Variants in VPS8 observed in about 807,000 individuals in gnomAD.
The protein encoded by VPS8 is VPS8 subunit of CORVET complex, also known as vacuolar protein sorting-associated protein 8 homolog.
A neutral mutation model predicts 216.4 loss-of-function variants in VPS8; 129 were observed. The ratio of observed to expected loss-of-function variants is 0.60; its 90% confidence interval spans 0.52 to 0.69. The LOEUF (loss-of-function observed/expected upper bound fraction) is 0.69. VPS8 is among the 30% of genes least tolerant of loss of function. The pLI is 0.00. For synonymous variants in VPS8, 571 were observed against 565.4 expected (o/e 1.01, Z -0.14); for missense variants, 1,531 against 1,683.5 (o/e 0.91, Z 1.59).
chr3:184,914,153 C>T (rs1022564652), intron 26 of VPS8, among the ~76,000 whole-genome samples: 1 of 152,200 alleles, frequency 6.6e-6, no homozygotes, highest in Non-Finnish European at 1.5e-5. Context: ...CAGAACCTAG[C>T]AGAACATCAT....
intron 26 of VPS8, among the ~76,000 whole-genome samples, chr3:184,913,989 A>G (rs1578213670): frequency 6.6e-6 from 1 of 152,212 alleles, no homozygotes; most frequent in South Asian, 2.1e-4. Context: ...AGGGCAAGAG[A>G]CTTGTTCAAA....
chr3:184,989,784 T>C (rs191696503), intron 42 of VPS8, among the ~76,000 whole-genome samples: 13 of 152,142 alleles, frequency 8.5e-5, no homozygotes, highest in Admixed American at 5.2e-4. Flanking sequence ...TAAGAAGTGT[T>C]CCCTCAGCCG....
chr3:184,930,333 A>T, intron 33 of VPS8, 137 bp from the exon 34 acceptor site: 2 of 539,862 alleles, frequency 3.7e-6, no homozygotes, highest in Non-Finnish European at 6.5e-6. Context: ...TTTTAGGGAC[A>T]GAGTTTTCCA....
chr3:184,956,266 G>A (rs1745580320), intron 36 of VPS8, among the ~76,000 whole-genome samples: 1 of 152,130 alleles, frequency 6.6e-6, no homozygotes, highest in African/African-American at 2.4e-5. Flanking sequence ...CCACCCTGTG[G>A]CTATTGATGT....
At chr3:185,038,352 T>G (rs1759184989) in intron 46 of VPS8, among the ~76,000 whole-genome samples, 1 of 152,230 alleles carries the variant, frequency 6.6e-6, no homozygotes. Flanking sequence ...CACTAACGCC[T>G]TAGGACATAA....
Position 184,849,962 on chromosome 3 carries a change from A to C in VPS8, c.693A>C (p.Gly231=), listed in dbSNP as rs1047196575. 4 of 1,613,458 alleles carry C rather than the reference A, an allele frequency of 2.5e-6. No individual in the cohort carries two copies. The African/African-American group carries it at 4.0e-5, about 16-fold the overall frequency. ...GQITMWDLAS[G]KLLRSITDAH... ...TCACCATGTGGGATTTGGCCAGTGGAAAACTTCTAAGATCAATAACAGATG... is the reference window on the plus strand; with the variant it reads ...TCACCATGTGGGATTTGGCCAGTGGCAAACTTCTAAGATCAATAACAGATG... Residue 231 remains glycine, a synonymous_variant, in exon 10 of 48, where the codon GGA becomes GGC. Coordinates refer to ENST00000625842, the MANE Select transcript of VPS8 (RefSeq NM_001009921.3).
intron 36 of VPS8, among the ~76,000 whole-genome samples, chr3:184,940,748 G>C (rs1355010910): frequency 6.6e-6 from 1 of 152,210 alleles, no homozygotes; most frequent in African/African-American, 2.4e-5. Context: ...CAGCTACTCT[G>C]ATGTTTATAT....
chr3:184,916,862 T>C (rs1482336321), intron 28 of VPS8, among the ~76,000 whole-genome samples: 1 of 152,236 alleles, frequency 6.6e-6, no homozygotes, highest in Non-Finnish European at 1.5e-5. Context: ...GGAATTATGC[T>C]GATGTCTGAA....
chr3:184,910,179 C>T (rs919351962), intron 25 of VPS8, among the ~76,000 whole-genome samples: 1 of 146,712 alleles, frequency 6.8e-6, no homozygotes, highest in African/African-American at 2.6e-5. Context: ...TTCGCCCAGG[C>T]CGTTACTGCA....
intron 39 of VPS8, among the ~76,000 whole-genome samples, 171 bp from the exon 40 acceptor site, chr3:184,971,478 C>T (rs1748390912): frequency 6.6e-6 from 1 of 152,138 alleles, no homozygotes; most frequent in Non-Finnish European, 1.5e-5. Context: ...ACTCTTATTT[C>T]ACGGAATAAT....
At chr3:184,818,864 C>T (rs1716929216) in intron 1 of VPS8, among the ~76,000 whole-genome samples, 2 of 150,810 alleles carry the variant, frequency 1.3e-5, no homozygotes, top group Admixed American at 1.3e-4. Context: ...TAAATGTTTC[C>T]CAAGGTGAAA....
At chr3:184,898,484 A>C (rs1244450287) in intron 23 of VPS8, 81 bp from the exon 24 acceptor site, 1 of 1,106,280 alleles carries the variant, frequency 9.0e-7, no homozygotes, top group Non-Finnish European at 1.3e-6. Context: ...AGAGCATTCA[A>C]GACCTTTCCC....
chr3:185,003,490 G>C (rs1200558892), intron 45 of VPS8, among the ~76,000 whole-genome samples: 2 of 146,930 alleles, frequency 1.4e-5, no homozygotes, highest in African/African-American at 2.5e-5. Flanking sequence ...AGATCAACAG[G>C]ATCCCAAGGC....
intron 36 of VPS8, among the ~76,000 whole-genome samples, chr3:184,943,946 A>G (rs1743194781): frequency 7.9e-6 from 1 of 126,564 alleles, no homozygotes; most frequent in South Asian, 2.4e-4. Flanking sequence ...TACTAAAAAT[A>G]CAAAAATTAG....
chr3:184,928,472 G>T lies in VPS8; in HGVS notation c.2653G>T (p.Ala885Ser). Residue 885 changes from alanine (A) to serine (S), a missense_variant, in exon 32 of 48, where the codon GCT becomes TCT. This residue lies in a region of VPS8 where 1,318 missense variants were observed against 1,468.4 expected (regional missense o/e 0.90). Coordinates refer to ENST00000625842, the MANE Select transcript of VPS8 (RefSeq NM_001009921.3). ...TCAGGTCCTTTTAGAATTGCTGCAG[G>T]CTGGAGGCATAGTTCAATTTGAAGA... is the stretch of plus-strand genomic sequence containing the variant. The part of the protein sequence containing the change: ...RQQVLLELLQ[A>S]GGIVQFEESR... 6.5e-7 allele frequency: 1 copy of T among 1,534,068 alleles called. No individual in the cohort carries two copies. Among genetic ancestry groups the T allele is most frequent in the South Asian group, 1.3e-5 (1 of 74,744 alleles).
rs193096422 is a variant in VPS8 at position 184,987,844 on chromosome 3, G to A, written c.3585+4750G>A. ...AATGTCTATACCATTTTACATTTCC[G>A]CCAGCGCTGAATGAAAGTTCCTGTT... On this transcript the variant is annotated intron_variant, in intron 42 of 47. Transcript: ENST00000625842. Among the ~76,000 whole-genome samples the A allele has an allele frequency of 3.7e-3, 565 of 152,232 alleles. 4 individuals are homozygous for A. Among genetic ancestry groups the A allele is most frequent in the African/African-American group, 0.012 (506 of 41,544 alleles).
chr3:184,842,173 C>T (rs1249879622), intron 7 of VPS8, among the ~76,000 whole-genome samples: 6 of 93,406 alleles, frequency 6.4e-5, no homozygotes, highest in African/African-American at 2.8e-4. Context: ...GGTGACAGAG[C>T]GAGACTCCGT....
At chr3:184,919,482 A>G (rs1347650887) in intron 28 of VPS8, among the ~76,000 whole-genome samples, 2 of 152,194 alleles carry the variant, frequency 1.3e-5, no homozygotes, top group African/African-American at 2.4e-5. Flanking sequence ...GCTGTTACAT[A>G]TACTGACAAA....
intron 21 of VPS8, among the ~76,000 whole-genome samples, chr3:184,873,421 T>C (rs572715065): frequency 6.6e-6 from 1 of 152,278 alleles, no homozygotes; most frequent in South Asian, 2.1e-4. Context: ...CTTAACTGTG[T>C]GGCAGACACT....
Sources: gnomAD v4.1 joint callset for allele counts (sites outside exome capture counted in the v4.1 genomes callset) on GRCh38, gnomAD v4.1.1 for gene constraint, gnomAD v4.1.1 regional missense constraint, MANE v1.5 for transcripts, NCBI Gene and HGNC (gene_info 2026-07-23, HGNC 2026-07-21) for gene names.